The following LGALS8 variants were observed in gnomAD, a reference collection of about 807,000 sequenced individuals.
The protein encoded by LGALS8 is galectin-8.
In LGALS8, 30 loss-of-function variants were observed where a neutral mutation model predicts 35.9. That is an observed-to-expected ratio of 0.83 (90% CI 0.62 to 1.13). The LOEUF is 1.13. Among genes scored for constraint, LGALS8 ranks in the 50% most tolerant of loss-of-function variants. The pLI, the probability that LGALS8 is intolerant of heterozygous loss-of-function variation, is 0.00. For missense variants in LGALS8, 366 were observed against 388.7 expected (o/e 0.94, Z 0.49); for synonymous variants, 138 against 136.1 (o/e 1.01, Z -0.10).
upstream of LGALS8, among the ~76,000 whole-genome samples, chr1:236,521,361 T>C (rs1336877967): frequency 1.3e-5 from 2 of 151,752 alleles, no homozygotes; most frequent in Non-Finnish European, 2.9e-5. Context: ...TGAGTAAAGA[T>C]TTTAGGATGG....
intron 6 of LGALS8, 151 bp from the exon 7 acceptor site, chr1:236,542,610 A>G (rs1022886902): frequency 3.9e-6 from 3 of 760,448 alleles, no homozygotes; most frequent in African/African-American, 1.7e-5. Flanking sequence ...CCATTCCGTC[A>G]TAAAGCACCA....
chr1:236,549,792 G>A lies in LGALS8; in HGVS notation c.*1631G>A, dbSNP rs1168754164. 1.3e-5 allele frequency: 2 copies of A among 152,156 alleles called. No homozygotes were observed. Among genetic ancestry groups the A allele is most frequent in the African/African-American group, 4.8e-5 (2 of 41,438 alleles). 9.4% of individuals were successfully genotyped at this position (152,156 alleles called of 1,614,324 possible). ...AGCCCACTCACATCATTCCTTGTAA[G>A]TCTTAAGTTCATTTTCATTTTACGT... On this transcript the variant is annotated 3_prime_UTR_variant, in exon 10 of 10. Coordinates refer to ENST00000366584, the MANE Select transcript of LGALS8 (RefSeq NM_201544.4).
chr1:236,549,100 A>G lies in LGALS8; in HGVS notation c.*939A>G. 2 of 397,980 alleles carry G rather than the reference A, an allele frequency of 5.0e-6. No individual in the cohort carries two copies. Among genetic ancestry groups the G allele is most frequent in the Non-Finnish European group, 8.9e-6 (2 of 225,750 alleles). 24.7% of individuals were successfully genotyped at this position (397,980 alleles called of 1,614,324 possible). The stretch of plus-strand genomic sequence containing the variant: ...CACTATCAGAAAGTGTACGCCAACT[A>G]AGGGACCCACAAAGCAGGCAGAGGT... On this transcript the variant is annotated 3_prime_UTR_variant, in exon 10 of 10. Coordinates refer to ENST00000366584, the MANE Select transcript of LGALS8 (RefSeq NM_201544.4).
upstream of LGALS8, among the ~76,000 whole-genome samples, chr1:236,519,948 A>AT (rs35589317): frequency 0.035 from 3,883 of 109,396 alleles, 167 homozygotes; most frequent in Non-Finnish European, 0.043. Flanking sequence ...GTTTTGTACA[A>AT]TTTTTTTTTT....
At chr1:236,522,591 A>G (rs1340448901), upstream of LGALS8, among the ~76,000 whole-genome samples, 1 of 152,222 alleles carries the variant, frequency 6.6e-6, no homozygotes, top group Non-Finnish European at 1.5e-5. Flanking sequence ...AAGATATTCA[A>G]TTGCTCCTGA....
chr1:236,537,163 C>A (rs777244662), intron 2 of LGALS8, among the ~76,000 whole-genome samples: 10 of 151,714 alleles, frequency 6.6e-5, no homozygotes, highest in African/African-American at 2.4e-4. Flanking sequence ...ACTACAGGCG[C>A]CCACCACCAC....
intron 2 of LGALS8, among the ~76,000 whole-genome samples, chr1:236,527,492 TTTTC>T (rs1345808967): frequency 6.6e-6 from 1 of 152,180 alleles, no homozygotes; most frequent in Admixed American, 6.5e-5. Flanking sequence ...AATAGCTTTT[TTTTC>T]TTTCTTTTCA....
chr1:236,539,213 T>C lies in LGALS8; in HGVS notation c.345+124T>C, dbSNP rs1371810046. ...CTGAGATATAGTTTGTTTGGCTTTG[T>C]AGTTTTTCTCCATAAAAGGACCAGG... On this transcript the variant is annotated intron_variant, in intron 4 of 9. Coordinates refer to ENST00000366584, the MANE Select transcript of LGALS8 (RefSeq NM_201544.4). 3 of 818,538 alleles carry C rather than the reference T, an allele frequency of 3.7e-6. No individual in the cohort carries two copies. The East Asian group carries it at 7.9e-5, about 22-fold the overall frequency. The allele number at this position is 818,538 out of a possible 1,614,324, so 50.7% of individuals were successfully genotyped here.
rs755253142 is a variant in LGALS8, at chr1:236,538,747, C to T, written c.135-132C>T. The T allele has an allele frequency of 1.5e-5, 10 of 676,272 alleles. No homozygotes were observed. The Admixed American group carries it at 1.9e-4, about 13-fold the overall frequency. 41.9% of individuals were successfully genotyped at this position (676,272 alleles called of 1,614,324 possible). ...AGATTAGACAGTCAGCTCTTTAGGCCTCATAGTGAATGAATGAGGAGGGAT... is the reference window on the plus strand; with the variant it reads ...AGATTAGACAGTCAGCTCTTTAGGCTTCATAGTGAATGAATGAGGAGGGAT... On this transcript the variant is annotated intron_variant, in intron 3 of 9. Transcript: ENST00000366584.
chr1:236,542,112 C>T (rs374547033), intron 6 of LGALS8, among the ~76,000 whole-genome samples: 1 of 152,184 alleles, frequency 6.6e-6, no homozygotes, highest in Admixed American at 6.5e-5. Context: ...CCGACTGGCA[C>T]GTTCACACCT....
At chr1:236,519,327 G>T (rs1227503690), upstream of LGALS8, among the ~76,000 whole-genome samples, 5 of 151,688 alleles carry the variant, frequency 3.3e-5, no homozygotes, top group Non-Finnish European at 7.4e-5. Context: ...GGAGGTCACT[G>T]CTGCAGTGAG....
chr1:236,526,792 G>A lies in LGALS8; in HGVS notation c.45+677G>A, dbSNP rs1026932903. ...AGGACAGCCACTTTTTTAGTAAACC[G>A]CCTAGAAGATTCTTGGGCAAAAGGA... On this transcript the variant is annotated intron_variant, in intron 2 of 9. Coordinates refer to ENST00000366584, the MANE Select transcript of LGALS8 (RefSeq NM_201544.4). The surrounding 1 kb of genome is among the most constrained non-coding windows in gnomAD (Gnocchi z 4.6). 1.3e-4 allele frequency among the ~76,000 whole-genome samples: 20 copies of A among 152,162 alleles called. No homozygotes were observed. The highest frequency in any genetic ancestry group is 3.6e-4 in the African/African-American group (15 of 41,446).
At chr1:236,531,616 C>T (rs1205478552) in intron 2 of LGALS8, among the ~76,000 whole-genome samples, 5 of 152,172 alleles carry the variant, frequency 3.3e-5, no homozygotes, top group Non-Finnish European at 5.9e-5. Context: ...TGAGCCACCG[C>T]GCCCGGCCCC....
At chr1:236,535,874 CTGTA>C (rs1350638608) in intron 2 of LGALS8, among the ~76,000 whole-genome samples, 1 of 152,260 alleles carries the variant, frequency 6.6e-6, no homozygotes, top group Non-Finnish European at 1.5e-5. Flanking sequence ...TGCCTCTCCT[CTGTA>C]TGTGTGAGGC....
intron 2 of LGALS8, among the ~76,000 whole-genome samples, chr1:236,527,966 C>G (rs1660911364): frequency 6.6e-6 from 1 of 152,050 alleles, no homozygotes; most frequent in South Asian, 2.1e-4. Context: ...AAACTCCTGA[C>G]CTCAGGTGAT....
intron 5 of LGALS8, 119 bp downstream of exon 5, chr1:236,540,802 T>A: frequency 9.2e-7 from 1 of 1,085,644 alleles, no homozygotes; most frequent in Non-Finnish European, 1.3e-6. Flanking sequence ...CTGACTGTAG[T>A]ATTAATTTTT....
Position 236,552,034 on chromosome 1 carries a change from G to C in LGALS8, c.*3873G>C, listed in dbSNP as rs781633733. 1.2e-6 allele frequency: 2 copies of C among 1,612,728 alleles called. No homozygotes were observed. The highest frequency in any genetic ancestry group is 1.7e-6 in the Non-Finnish European group (2 of 1,178,938). ...CTCTGCTAAGAAAGGAATGGATTCT[G>C]GTAGCAAGACAATATAATTCTCCTT... On this transcript the variant is annotated 3_prime_UTR_variant, in exon 10 of 10. Transcript: ENST00000366584.
At position 236,548,131 on chromosome 1, in the gene LGALS8, C is replaced by T; in HGVS notation, c.924C>T (p.Asp308=). The change falls in exon 10 of 10, where the codon GAC becomes GAT. Residue 308 remains aspartate (D), a synonymous_variant. Coordinates refer to ENST00000366584, the MANE Select transcript of LGALS8 (RefSeq NM_201544.4). The stretch of plus-strand genomic sequence containing the variant: ...TTGACACGCTGGAAATTAATGGAGA[C>T]ATCCACTTACTGGAAGTAAGGAGCT... ...SSIDTLEING[D]IHLLEVRSW 6.2e-7 allele frequency: 1 copy of T among 1,613,878 alleles called. No individual in the cohort carries two copies. Among genetic ancestry groups the T allele is most frequent in the Non-Finnish European group, 8.5e-7 (1 of 1,179,808 alleles).
chr1:236,535,687 A>G (rs1469645119), intron 2 of LGALS8, among the ~76,000 whole-genome samples: 1 of 152,226 alleles, frequency 6.6e-6, no homozygotes, highest in Admixed American at 6.5e-5. Flanking sequence ...GTGCAGCTGT[A>G]GCCCCAGTCT....
Sources: gnomAD v4.1 joint callset for allele counts (sites outside exome capture counted in the v4.1 genomes callset) on GRCh38, gnomAD v4.1.1 for gene constraint, Gnocchi (gnomAD v3.1) non-coding constraint, MANE v1.5 for transcripts, NCBI Gene and HGNC (gene_info 2026-07-23, HGNC 2026-07-21) for gene names.